BMPR1A: variants seen among roughly 807,000 people sequenced by gnomAD.
BMPR1A encodes the protein bone morphogenetic protein receptor type-1A.
In BMPR1A, 7 loss-of-function variants were observed where a neutral mutation model predicts 66.0. That is an observed-to-expected ratio of 0.11 (90% CI 0.06 to 0.20). The LOEUF is 0.20. Ranked by LOEUF, BMPR1A falls within the 10% of genes least tolerant of loss-of-function variation. BMPR1A has a pLI of 1.00. For missense variants in BMPR1A, 408 were observed against 669.1 expected (o/e 0.61, Z 4.31); for synonymous variants, 200 against 229.7 (o/e 0.87, Z 1.17).
At chr10:86,829,113 A>G (rs1842234879) in intron 1 of BMPR1A, among the ~76,000 whole-genome samples, 1 of 152,142 alleles carries the variant, frequency 6.6e-6, no homozygotes, top group Non-Finnish European at 1.5e-5. Context: ...AGCACCCAGA[A>G]GTTGACCTGG....
Position 86,844,558 on chromosome 10 carries a change from T to C in BMPR1A, c.-153+5579T>C, listed in dbSNP as rs1003255890. ...AATTATATAAAACTGGCTTTTAAAA[T>C]GCATTTATTAAAATTCTTATCAACT... On this transcript the variant is annotated intron_variant, in intron 2 of 12. Transcript: ENST00000372037. Among the ~76,000 whole-genome samples the C allele has an allele frequency of 2.0e-5, 3 of 152,220 alleles. No homozygotes were observed. In the South Asian group the frequency reaches 6.2e-4, roughly 31 times the overall value.
chr10:86,837,239 GTGTGTGTC>G (rs1397136485), intron 1 of BMPR1A, among the ~76,000 whole-genome samples: 2 of 102,124 alleles, frequency 2.0e-5, no homozygotes, highest in African/African-American at 8.3e-5. Context: ...GGCTGTGTGT[GTGTGTGTC>G]TGTGTGTGTG....
chr10:86,855,411 G>A, intron 2 of BMPR1A: 1 of 736,462 alleles, frequency 1.4e-6, no homozygotes, highest in Non-Finnish European at 2.3e-6. Flanking sequence ...CAAATTTTCT[G>A]TTAAAATGCT....
intron 1 of BMPR1A, among the ~76,000 whole-genome samples, chr10:86,830,792 CAG>C (rs958970262): frequency 6.6e-6 from 1 of 152,010 alleles, no homozygotes; most frequent in Non-Finnish European, 1.5e-5. Flanking sequence ...CCTTCTTAAA[CAG>C]GTCTTTTGTA....
intron 1 of BMPR1A, among the ~76,000 whole-genome samples, chr10:86,781,813 A>G (rs1368005730): frequency 3.3e-5 from 5 of 151,644 alleles, no homozygotes; most frequent in African/African-American, 1.2e-4. Flanking sequence ...CACTTAGCAT[A>G]AAGTCCCCAT....
At chr10:86,776,728 T>G (rs1841354041) in intron 1 of BMPR1A, among the ~76,000 whole-genome samples, 1 of 152,142 alleles carries the variant, frequency 6.6e-6, no homozygotes, top group Admixed American at 6.5e-5. Context: ...TTGACTGACT[T>G]CCTTCTCATT....
intron 7 of BMPR1A, among the ~76,000 whole-genome samples, chr10:86,909,532 G>A (rs1843445825): frequency 6.6e-6 from 1 of 151,410 alleles, no homozygotes; most frequent in South Asian, 2.1e-4. Context: ...GTTGCAGTGA[G>A]CTGAGATCAC....
intron 1 of BMPR1A, among the ~76,000 whole-genome samples, chr10:86,824,919 T>C (rs1340758768): frequency 1.3e-5 from 2 of 152,154 alleles, no homozygotes; most frequent in Non-Finnish European, 2.9e-5. Flanking sequence ...ACTACCTGCT[T>C]AGCAATCCTG....
intron 5 of BMPR1A, among the ~76,000 whole-genome samples, chr10:86,893,185 G>A (rs1206899248): frequency 6.6e-6 from 1 of 151,948 alleles, no homozygotes; most frequent in Non-Finnish European, 1.5e-5. Flanking sequence ...ATCACTCTGA[G>A]ACAACTTAGA....
Position 86,923,663 on chromosome 10 carries a change from T to C in BMPR1A, c.1543T>C (p.Leu515=), listed in dbSNP as rs746700427. The change falls in exon 13 of 13, where the codon TTG becomes CTG. Residue 515 remains leucine (L), a synonymous_variant. Transcript: ENST00000372037. ...CAATCCAGCCTCCAGACTCACAGCATTGAGAATTAAGAAGACGCTTGCCAA... is the reference window on the plus strand; with the variant it reads ...CAATCCAGCCTCCAGACTCACAGCACTGAGAATTAAGAAGACGCTTGCCAA... The part of the protein sequence containing the change: ...AHNPASRLTA[L]RIKKTLAKMV... 3.7e-6 allele frequency: 6 copies of C among 1,614,216 alleles called. No homozygotes were observed. Among genetic ancestry groups the C allele is most frequent in the Non-Finnish European group, 4.2e-6 (5 of 1,180,034 alleles).
intron 1 of BMPR1A, among the ~76,000 whole-genome samples, chr10:86,799,701 A>T (rs1256180262): frequency 6.6e-6 from 1 of 151,842 alleles, no homozygotes; most frequent in Non-Finnish European, 1.5e-5. Flanking sequence ...ACAGGCGCAC[A>T]TCGTCACACC....
chr10:86,781,332 G>A (rs915056413), intron 1 of BMPR1A, among the ~76,000 whole-genome samples: 8 of 152,086 alleles, frequency 5.3e-5, no homozygotes, highest in Admixed American at 3.3e-4. Context: ...TGAGAAATCC[G>A]CTGGCTGTAG....
intron 3 of BMPR1A, among the ~76,000 whole-genome samples, chr10:86,883,957 C>G (rs1432768841): frequency 2.0e-5 from 3 of 150,894 alleles, no homozygotes; most frequent in Non-Finnish European, 4.4e-5. Context: ...TCACTGCAAC[C>G]TCCATCTCCT....
At chr10:86,797,231 A>ATTTTT (rs1236270338) in intron 1 of BMPR1A, among the ~76,000 whole-genome samples, 1 of 83,776 alleles carries the variant, frequency 1.2e-5, no homozygotes, top group African/African-American at 3.6e-5. Flanking sequence ...AGCCCGGCTA[A>ATTTTT]TTTTTTTTTT....
intron 3 of BMPR1A, among the ~76,000 whole-genome samples, chr10:86,879,667 C>T (rs1234476744): frequency 1.3e-5 from 2 of 152,198 alleles, no homozygotes; most frequent in Non-Finnish European, 2.9e-5. Context: ...GAGTTGCATC[C>T]ATTTAGTACA....
intron 1 of BMPR1A, among the ~76,000 whole-genome samples, chr10:86,790,178 AAAAAAAAAAAATAT>A (rs1390177296): frequency 2.0e-4 from 8 of 40,276 alleles, no homozygotes; most frequent in Admixed American, 1.2e-3. Flanking sequence ...AAAAAAAAAA[AAAAAAAAAAAATAT>A]ATATATATAT....
At chr10:86,767,176 A>G (rs530634786) in intron 1 of BMPR1A, among the ~76,000 whole-genome samples, 2 of 152,294 alleles carry the variant, frequency 1.3e-5, no homozygotes, top group Non-Finnish European at 1.5e-5. Flanking sequence ...CATTCATGAT[A>G]TAAGGTTTCT....
chr10:86,899,579 C>A (rs556161112), intron 5 of BMPR1A, among the ~76,000 whole-genome samples: 1 of 152,324 alleles, frequency 6.6e-6, no homozygotes, highest in South Asian at 2.1e-4. Flanking sequence ...TAGTGTCTAA[C>A]ACACCATCCA....
intron 1 of BMPR1A, among the ~76,000 whole-genome samples, chr10:86,824,763 A>C (rs1267205459): frequency 2.0e-5 from 3 of 152,166 alleles, no homozygotes; most frequent in African/African-American, 4.8e-5. Context: ...GTAAATAATT[A>C]AGTCAAGTAT....
Sources: gnomAD v4.1 joint callset for allele counts (sites outside exome capture counted in the v4.1 genomes callset) on GRCh38, gnomAD v4.1.1 for gene constraint, MANE v1.5 for transcripts, NCBI Gene and HGNC (gene_info 2026-07-23, HGNC 2026-07-21) for gene names.